FIGN: variants seen among roughly 807,000 people sequenced by gnomAD.
FIGN encodes the protein fidgetin, microtubule severing factor, also known as fidgetin.
Under a neutral mutation model 51.3 loss-of-function variants are expected in FIGN, and 11 were observed. That is an observed-to-expected ratio of 0.21 (90% CI 0.13 to 0.35). The LOEUF (loss-of-function observed/expected upper bound fraction) is 0.35, where lower values mean the gene tolerates loss of function less well. FIGN is among the 10% of genes least tolerant of loss of function. The pLI is 1.00. For missense variants in FIGN, 857 were observed against 943.6 expected, an observed-to-expected ratio of 0.91 and a Z score of 1.20; for synonymous variants, 407 against 363.2, an observed-to-expected ratio of 1.12 and a Z score of -1.37.
intron 2 of FIGN, among the ~76,000 whole-genome samples, chr2:163,704,946 GTCCA>G (rs1489091364): frequency 6.6e-6 from 1 of 151,986 alleles, no homozygotes; most frequent in Non-Finnish European, 1.5e-5. Flanking sequence ...TACACAAGAG[GTCCA>G]TCCAATTTTA....
At chr2:163,710,140 G>A (rs947337394) in intron 2 of FIGN, among the ~76,000 whole-genome samples, 1 of 152,102 alleles carries the variant, frequency 6.6e-6, no homozygotes, top group Non-Finnish European at 1.5e-5. Flanking sequence ...TAGTGTTCTA[G>A]TACTGGTCAT....
rs140807818 is a variant in FIGN at position 163,661,899 on chromosome 2, T to C, written c.26-50093A>G. On this transcript the variant is annotated intron_variant, in intron 2 of 2. Coordinates refer to ENST00000333129, the MANE Select transcript of FIGN (RefSeq NM_018086.4). The stretch of plus-strand genomic sequence containing the variant: ...AACTGTAAGTCCAACTAAACCTCTT[T>C]TTCTTCCCAGTCTTGAGTATGTCTT... 2.3e-3 allele frequency among the ~76,000 whole-genome samples: 349 copies of C among 152,284 alleles called. 4 individuals are homozygous for C. The highest frequency in any genetic ancestry group is 8.1e-3 in the African/African-American group (338 of 41,546).
intron 2 of FIGN, among the ~76,000 whole-genome samples, chr2:163,688,921 C>G (rs953511551): frequency 6.6e-6 from 1 of 151,996 alleles, no homozygotes; most frequent in Non-Finnish European, 1.5e-5. Flanking sequence ...TGTAATCCCA[C>G]CACTTTGCAA....
intron 2 of FIGN, among the ~76,000 whole-genome samples, chr2:163,668,994 A>G (rs997560966): frequency 7.3e-4 from 107 of 145,684 alleles, no homozygotes; most frequent in African/African-American, 2.6e-3. Context: ...AGAATTTCTT[A>G]GCATAATTAA....
intron 2 of FIGN, among the ~76,000 whole-genome samples, chr2:163,612,129 C>T (rs1691277809): frequency 6.6e-6 from 1 of 152,172 alleles, no homozygotes; most frequent in Admixed American, 6.5e-5. Context: ...TACACAATCA[C>T]ATATATATGT....
rs761323219 is a variant in FIGN at position 163,610,092 on chromosome 2, C to G, written c.1740G>C (p.Ser580=). 1 of 1,613,728 alleles carries G rather than the reference C, an allele frequency of 6.2e-7. No homozygotes were observed. ...TGTCAATGTCACTAACAAAAATCAC[C>G]GAGGGCTGGCGACACCTGGCCACAA... ...SFLVARCRQP[S]VIFVSDIDML... The change falls in exon 3 of 3, where the codon TCG becomes TCC. Residue 580 remains serine (S), a synonymous_variant. Coordinates refer to ENST00000333129, the MANE Select transcript of FIGN (RefSeq NM_018086.4).
At chr2:163,677,788 G>C (rs927816047) in intron 2 of FIGN, among the ~76,000 whole-genome samples, 1 of 152,042 alleles carries the variant, frequency 6.6e-6, no homozygotes, top group African/African-American at 2.4e-5. Context: ...TGTCTTTGTT[G>C]AGCTAGGTAA....
chr2:163,718,039 A>G (rs1423496007), intron 2 of FIGN, among the ~76,000 whole-genome samples: 1 of 151,302 alleles, frequency 6.6e-6, no homozygotes, highest in Non-Finnish European at 1.5e-5. Flanking sequence ...CTGAATGTTG[A>G]TCATGTTGGA....
At chr2:163,718,840 T>TGAGA (rs781504649) in intron 2 of FIGN, among the ~76,000 whole-genome samples, 6 of 150,724 alleles carry the variant, frequency 4.0e-5, no homozygotes, top group East Asian at 3.9e-4. Flanking sequence ...ACAGAGAGAG[T>TGAGA]GAGAGAGAGA....
At chr2:163,639,278 ACACAG>A (rs1259350012) in intron 2 of FIGN, among the ~76,000 whole-genome samples, 1 of 152,180 alleles carries the variant, frequency 6.6e-6, no homozygotes, top group Non-Finnish European at 1.5e-5. Context: ...TACTTAAAAA[ACACAG>A]CACATTTATT....
rs1327940121 is a variant in FIGN, at chr2:163,605,650, A to G, written c.*3902T>C. On this transcript the variant is annotated 3_prime_UTR_variant, in exon 3 of 3. Coordinates refer to ENST00000333129, the MANE Select transcript of FIGN (RefSeq NM_018086.4). ...ACACTAATTTTATATTTATATATATATATTAGAACTTTACTTTAGTGGCCT... is the reference window on the plus strand; with the variant it reads ...ACACTAATTTTATATTTATATATATGTATTAGAACTTTACTTTAGTGGCCT... 2 of 151,812 alleles carry G rather than the reference A, an allele frequency of 1.3e-5. No homozygotes were observed. The highest frequency in any genetic ancestry group is 4.8e-5 in the African/African-American group (2 of 41,370). 9.4% of individuals were successfully genotyped at this position (151,812 alleles called of 1,614,324 possible). A position where few individuals can be genotyped will look rare whatever the true frequency, so the allele number is the denominator to read the frequency against.
intron 2 of FIGN, among the ~76,000 whole-genome samples, chr2:163,720,000 C>T (rs958787817): frequency 2.0e-5 from 3 of 152,050 alleles, no homozygotes; most frequent in African/African-American, 7.2e-5. Context: ...CTCTAAGTAG[C>T]CCAGTTGTCC....
At chr2:163,670,527 T>C (rs893823448) in intron 2 of FIGN, among the ~76,000 whole-genome samples, 2 of 152,220 alleles carry the variant, frequency 1.3e-5, no homozygotes, top group African/African-American at 4.8e-5. Context: ...ATTCTACATG[T>C]CATCTTTTCC....
chr2:163,676,434 AATATATATATAT>A (rs202072418), intron 2 of FIGN, among the ~76,000 whole-genome samples: 752 of 65,842 alleles, frequency 0.011, 28 homozygotes, highest in African/African-American at 0.031. Flanking sequence ...GGATTCCTGG[AATATATATATAT>A]ATATATATAT....
At chr2:163,660,686 CACATATACATATATATGTAT>C (rs1559012178) in intron 2 of FIGN, among the ~76,000 whole-genome samples, 24 of 77,026 alleles carry the variant, frequency 3.1e-4, no homozygotes, top group African/African-American at 8.5e-4. Context: ...TATATATATA[CACATATACATATATATGTAT>C]ACACATATAC....
intron 2 of FIGN, among the ~76,000 whole-genome samples, chr2:163,723,667 C>T (rs2105364611): frequency 6.6e-6 from 1 of 152,266 alleles, no homozygotes; most frequent in East Asian, 1.9e-4. Context: ...GTATTGCTTT[C>T]AGTTTGATAA....
At chr2:163,631,965 C>A (rs773603385) in intron 2 of FIGN, among the ~76,000 whole-genome samples, 1 of 152,040 alleles carries the variant, frequency 6.6e-6, no homozygotes, top group Non-Finnish European at 1.5e-5. Context: ...CTGATCAACA[C>A]GGTGAAACCG....
chr2:163,709,338 T>C (rs1684551898), intron 2 of FIGN, among the ~76,000 whole-genome samples: 2 of 152,138 alleles, frequency 1.3e-5, no homozygotes, highest in African/African-American at 4.8e-5. Flanking sequence ...GCTAATTACA[T>C]GGGATCATCT....
chr2:163,706,387 G>A (rs992828484), intron 2 of FIGN, among the ~76,000 whole-genome samples: 5 of 152,076 alleles, frequency 3.3e-5, no homozygotes, highest in African/African-American at 7.2e-5. Flanking sequence ...TAAAGATGGC[G>A]GCTTAATAGT....
Sources: allele counts gnomAD v4.1 joint callset (sites outside exome capture counted in the v4.1 genomes callset), GRCh38; gene constraint gnomAD v4.1.1; transcripts MANE v1.5; gene names NCBI Gene and HGNC (gene_info 2026-07-23, HGNC 2026-07-21).